ADAM23: variants seen among roughly 807,000 people sequenced by gnomAD.
ADAM23 encodes the protein ADAM metallopeptidase domain 23.
A neutral mutation model predicts 120.1 loss-of-function variants in ADAM23; 33 were observed. The observed-to-expected ratio is 0.27, with a 90% CI of 0.21 to 0.37. The LOEUF is 0.37. Ranked by LOEUF, ADAM23 falls within the 10% of genes least tolerant of loss-of-function variation. The pLI, the probability that ADAM23 is intolerant of heterozygous loss-of-function variation, is 1.00. For synonymous variants in ADAM23, 367 were observed against 375.2 expected (o/e 0.98, Z 0.25); for missense variants, 862 against 1,058.2 (o/e 0.81, Z 2.57).
chr2:206,514,666 C>G (rs1211825521), intron 3 of ADAM23, among the ~76,000 whole-genome samples: 2 of 152,180 alleles, frequency 1.3e-5, no homozygotes, highest in Non-Finnish European at 2.9e-5. Context: ...GGGTAAAATG[C>G]TGTCACACAG....
chr2:206,547,222 G>A (rs1328489879), intron 6 of ADAM23, among the ~76,000 whole-genome samples: 1 of 152,108 alleles, frequency 6.6e-6, no homozygotes, highest in Non-Finnish European at 1.5e-5. Flanking sequence ...GTAACACTAT[G>A]TTTTTATCTA....
At chr2:206,532,015 GA>G (rs941576741) in intron 4 of ADAM23, among the ~76,000 whole-genome samples, 1 of 152,192 alleles carries the variant, frequency 6.6e-6, no homozygotes, top group African/African-American at 2.4e-5. Context: ...CACAGATTAA[GA>G]ACTTTCATGT....
intron 20 of ADAM23, among the ~76,000 whole-genome samples, chr2:206,588,538 C>T (rs1019818994): frequency 4.6e-5 from 7 of 152,212 alleles, no homozygotes; most frequent in African/African-American, 1.4e-4. Flanking sequence ...TGGTTTTTAC[C>T]GCAGGAAAAT....
intron 4 of ADAM23, among the ~76,000 whole-genome samples, chr2:206,539,838 TATTA>T (rs1697254609): frequency 6.6e-6 from 1 of 152,224 alleles, no homozygotes; most frequent in East Asian, 1.9e-4. Flanking sequence ...AAAAACTTGG[TATTA>T]ATTTAGTAAT....
intron 2 of ADAM23, among the ~76,000 whole-genome samples, chr2:206,445,732 T>C (rs1695070957): frequency 6.6e-6 from 1 of 152,226 alleles, no homozygotes; most frequent in South Asian, 2.1e-4. Context: ...AAACTGGAAC[T>C]AGAATTTTCT....
rs1209542747 is a variant in ADAM23 at position 206,499,504 on chromosome 2, GA to G, written c.509+18197del. ...ACCAGGGACTGTTGTGGGGTGGGGGGAGGGGGGATAGCATTAGGAGATATAC... is the reference window on the plus strand; with the variant it reads ...ACCAGGGACTGTTGTGGGGTGGGGGGGGGGGGATAGCATTAGGAGATATAC... On this transcript the variant is annotated intron_variant, in intron 3 of 25. Transcript: ENST00000264377. 1.2e-3 allele frequency among the ~76,000 whole-genome samples: 153 copies of G among 125,228 alleles called. 1 individual carries two copies. In the East Asian group the frequency reaches 0.037, roughly 30 times the overall value. 82.2% of individuals were successfully genotyped at this position (125,228 alleles called of 152,430 possible).
At chr2:206,559,679 T>C (rs931594318) in intron 10 of ADAM23, among the ~76,000 whole-genome samples, 2 of 152,198 alleles carry the variant, frequency 1.3e-5, no homozygotes, top group African/African-American at 4.8e-5. Flanking sequence ...ATGCCCTGGC[T>C]TTGGAATCCT....
chr2:206,550,022 A>G (rs968300265), intron 8 of ADAM23, 73 bp from the exon 9 acceptor site: 1 of 876,770 alleles, frequency 1.1e-6, no homozygotes, highest in Non-Finnish European at 1.7e-6. Flanking sequence ...AGTCTTATCT[A>G]CAACTTAACA....
At chr2:206,473,506 G>A (rs980572580) in intron 2 of ADAM23, among the ~76,000 whole-genome samples, 52 of 151,908 alleles carry the variant, frequency 3.4e-4, no homozygotes, top group Middle Eastern at 6.8e-3. Context: ...GGCTAAGATG[G>A]GAGGATTGCT....
chr2:206,565,102 C>T, intron 14 of ADAM23, 34 bp downstream of exon 14: 3 of 1,608,524 alleles, frequency 1.9e-6, no homozygotes, highest in Admixed American at 1.7e-5. Context: ...TTGATATATG[C>T]CTTTTGCTAA....
chr2:206,496,922 G>C lies in ADAM23; in HGVS notation c.509+15614G>C, dbSNP rs550704327. ...TCTAGAAGAAATGGATAAATTCCTCGACACATACACTCTCCCAAGACTAAA... is the reference window on the plus strand; with the variant it reads ...TCTAGAAGAAATGGATAAATTCCTCCACACATACACTCTCCCAAGACTAAA... On this transcript the variant is annotated intron_variant, in intron 3 of 25. Transcript: ENST00000264377. Among the ~76,000 whole-genome samples, 820 of 151,182 alleles carry C rather than the reference G, an allele frequency of 5.4e-3. 16 individuals are homozygous for C. Among genetic ancestry groups the C allele is most frequent in the African/African-American group, 0.019 (791 of 41,216 alleles).
At chr2:206,546,028 G>A (rs1697389818) in intron 6 of ADAM23, among the ~76,000 whole-genome samples, 1 of 152,214 alleles carries the variant, frequency 6.6e-6, no homozygotes, top group Admixed American at 6.5e-5. Flanking sequence ...CTATTAAACT[G>A]TCATAAGGAT....
chr2:206,617,993 G>T lies in ADAM23; in HGVS notation c.*366G>T. Reference sequence around the variant, plus strand: ...ATGATTTTTTTTCCCTCAGCCTGCTGGCACTTAATATCTTCTAAATGATTT... The same window carrying T: ...ATGATTTTTTTTCCCTCAGCCTGCTTGCACTTAATATCTTCTAAATGATTT... On this transcript the variant is annotated 3_prime_UTR_variant, in exon 26 of 26. Coordinates refer to ENST00000264377, the MANE Select transcript of ADAM23 (RefSeq NM_003812.4). The T allele has an allele frequency of 5.3e-6, 1 of 187,072 alleles. No homozygotes were observed. The highest frequency in any genetic ancestry group is 1.1e-5 in the Non-Finnish European group (1 of 91,176). The allele number at this position is 187,072 out of a possible 1,614,324, so 11.6% of individuals were successfully genotyped here.
Position 206,443,992 on chromosome 2 carries a change from G to A in ADAM23, c.126G>A (p.Pro42=), listed in dbSNP as rs772715072. The part of the protein sequence containing the change: ...SVPASAPART[P]PCRLLLVLLL... Reference sequence around the variant, plus strand: ...CTGCCAGCGCCCCGGCCCGCACGCCGCCCTGCCGCCTGCTTCTCGTCCTTC... The same window carrying A: ...CTGCCAGCGCCCCGGCCCGCACGCCACCCTGCCGCCTGCTTCTCGTCCTTC... The change falls in exon 1 of 26, where the codon CCG becomes CCA. Residue 42 remains proline (P), a synonymous_variant. Transcript: ENST00000264377. 2.2e-6 allele frequency: 3 copies of A among 1,394,068 alleles called. No individual in the cohort carries two copies. In the South Asian group the frequency reaches 4.7e-5, roughly 22 times the overall value. 86.4% of individuals were successfully genotyped at this position (1,394,068 alleles called of 1,614,324 possible). A position where few individuals can be genotyped will look rare whatever the true frequency, so the allele number is the denominator to read the frequency against.
chr2:206,602,342 A>G (rs1698654088), intron 24 of ADAM23, among the ~76,000 whole-genome samples: 3 of 152,216 alleles, frequency 2.0e-5, no homozygotes, highest in African/African-American at 7.2e-5. Context: ...ACATTTGTCC[A>G]TGTATCTAAA....
At chr2:206,480,767 C>T (rs1316546054) in intron 2 of ADAM23, among the ~76,000 whole-genome samples, 2 of 152,154 alleles carry the variant, frequency 1.3e-5, no homozygotes, top group Non-Finnish European at 2.9e-5. Flanking sequence ...TCCCATTTTA[C>T]TGTCATATTC....
intron 2 of ADAM23, among the ~76,000 whole-genome samples, chr2:206,452,881 C>T (rs562467362): frequency 6.6e-6 from 1 of 152,276 alleles, no homozygotes; most frequent in African/African-American, 2.4e-5. Context: ...TCTCCCATGA[C>T]TCCATCCCTC....
intron 4 of ADAM23, among the ~76,000 whole-genome samples, chr2:206,538,715 C>G (rs771129648): frequency 2.0e-5 from 3 of 152,146 alleles, no homozygotes; most frequent in Non-Finnish European, 4.4e-5. Context: ...ACTATTGGTT[C>G]TATTTCCACT....
chr2:206,581,434 T>G (rs1353334089), intron 18 of ADAM23, among the ~76,000 whole-genome samples: 4 of 152,224 alleles, frequency 2.6e-5, no homozygotes, highest in Non-Finnish European at 5.9e-5. Flanking sequence ...ATCATTGTCA[T>G]TCAGTTCGAA....
Sources: gnomAD v4.1 joint callset for allele counts (sites outside exome capture counted in the v4.1 genomes callset) on GRCh38, gnomAD v4.1.1 for gene constraint, MANE v1.5 for transcripts, NCBI Gene and HGNC (gene_info 2026-07-23, HGNC 2026-07-21) for gene names.